PDSS2: variants seen among roughly 807,000 people sequenced by gnomAD.
The protein encoded by PDSS2 is decaprenyl diphosphate synthase subunit 2, also known as all trans-polyprenyl-diphosphate synthase PDSS2.
In PDSS2, 31 loss-of-function variants were observed where a neutral mutation model predicts 44.5. The observed-to-expected ratio is 0.70, with a 90% CI of 0.52 to 0.94. PDSS2 has a LOEUF of 0.94. PDSS2 is among the 40% of genes least tolerant of loss of function. The pLI is 0.00. For missense variants in PDSS2, 452 were observed against 482.2 expected, an observed-to-expected ratio of 0.94 and a Z score of 0.59; for synonymous variants, 157 against 180.3, an observed-to-expected ratio of 0.87 and a Z score of 1.03.
Position 107,193,843 on chromosome 6 carries a change from T to G in PDSS2, c.1020A>C (p.Lys340Asn). ...WIKQIGEAQE[K>N]GRLDYAKLRE... The stretch of plus-strand genomic sequence containing the variant: ...CTACCTTAGCATAGTCCAATCTTCC[T>G]TTTTCTTGAGCCTACAAAAGAAGAG... Residue 340 changes from lysine to asparagine, a missense_variant, in exon 7 of 8, where the codon AAA (lysine) becomes AAC (asparagine). Coordinates refer to ENST00000369037, the MANE Select transcript of PDSS2 (RefSeq NM_020381.4). 6.4e-7 allele frequency: 1 copy of G among 1,562,144 alleles called. No homozygotes were observed. Among genetic ancestry groups the G allele is most frequent in the South Asian group, 1.1e-5 (1 of 90,004 alleles).
intron 2 of PDSS2, among the ~76,000 whole-genome samples, chr6:107,300,447 G>A (rs1472635017): frequency 6.6e-6 from 1 of 152,132 alleles, no homozygotes; most frequent in African/African-American, 2.4e-5. Context: ...GATTTCCTAG[G>A]CCAACTAAGA....
chr6:107,446,027 G>T (rs1251072160), intron 1 of PDSS2, among the ~76,000 whole-genome samples: 1 of 152,026 alleles, frequency 6.6e-6, no homozygotes, highest in Non-Finnish European at 1.5e-5. Context: ...TTCAAAATAA[G>T]AAATAATTGG....
intron 6 of PDSS2, among the ~76,000 whole-genome samples, chr6:107,200,699 C>T (rs2114568355): frequency 6.6e-6 from 1 of 152,120 alleles, no homozygotes; most frequent in South Asian, 2.1e-4. Context: ...TGGAGTCTCA[C>T]TCTGTTCCCC....
intron 4 of PDSS2, among the ~76,000 whole-genome samples, chr6:107,235,068 G>C (rs1010961538): frequency 6.6e-6 from 1 of 152,202 alleles, no homozygotes; most frequent in African/African-American, 2.4e-5. Flanking sequence ...AAATAAATGA[G>C]ATGAGTTTCA....
chr6:107,206,367 C>T (rs575756585), intron 6 of PDSS2, among the ~76,000 whole-genome samples: 13 of 152,250 alleles, frequency 8.5e-5, no homozygotes, highest in African/African-American at 2.4e-4. Flanking sequence ...CCACCATGCC[C>T]GGCCTGTTTC....
chr6:107,182,502 T>C (rs1772019359), intron 7 of PDSS2, among the ~76,000 whole-genome samples: 1 of 152,186 alleles, frequency 6.6e-6, no homozygotes, highest in South Asian at 2.1e-4. Context: ...TTTTTGTATC[T>C]GTAGTAGAGA....
intron 1 of PDSS2, among the ~76,000 whole-genome samples, chr6:107,343,306 T>C (rs1441050324): frequency 6.6e-6 from 1 of 152,190 alleles, no homozygotes; most frequent in Non-Finnish European, 1.5e-5. Context: ...AACAAAAGAA[T>C]TGACTATAAT....
chr6:107,258,497 T>C (rs1679031665), intron 3 of PDSS2, among the ~76,000 whole-genome samples: 1 of 151,786 alleles, frequency 6.6e-6, no homozygotes, highest in South Asian at 2.1e-4. Context: ...CTTTTGCTTA[T>C]AAGTTGCTAA....
At chr6:107,372,513 G>A (rs1211075870) in intron 1 of PDSS2, among the ~76,000 whole-genome samples, 4 of 152,088 alleles carry the variant, frequency 2.6e-5, no homozygotes, top group East Asian at 1.9e-4. Context: ...GGGCAGTTGC[G>A]CGATCTCGAC....
chr6:107,353,873 T>A (rs1410266863), intron 1 of PDSS2, among the ~76,000 whole-genome samples: 1 of 152,156 alleles, frequency 6.6e-6, no homozygotes, highest in Non-Finnish European at 1.5e-5. Context: ...AGCTTATGAT[T>A]TTAAAAGGTT....
At chr6:107,210,833 A>G (rs1049381505) in intron 5 of PDSS2, among the ~76,000 whole-genome samples, 5 of 144,026 alleles carry the variant, frequency 3.5e-5, no homozygotes, top group African/African-American at 5.4e-5. Flanking sequence ...GCGAAACCCC[A>G]TCTCTACTAA....
intron 1 of PDSS2, among the ~76,000 whole-genome samples, chr6:107,403,186 A>G (rs1780201363): frequency 6.6e-6 from 1 of 152,212 alleles, no homozygotes; most frequent in African/African-American, 2.4e-5. Context: ...GCCAAAACAA[A>G]GGAGCTACAG....
chr6:107,205,776 G>T (rs1307706355), intron 6 of PDSS2, among the ~76,000 whole-genome samples: 1 of 152,140 alleles, frequency 6.6e-6, no homozygotes, highest in African/African-American at 2.4e-5. Flanking sequence ...AGATTTTTCA[G>T]GAGAAAGGAG....
chr6:107,396,952 G>A (rs1329318157), intron 1 of PDSS2, among the ~76,000 whole-genome samples: 2 of 152,074 alleles, frequency 1.3e-5, no homozygotes, highest in African/African-American at 4.8e-5. Context: ...TTAGTCTCCC[G>A]AAGTGTTGGG....
chr6:107,330,941 C>A (rs568151116), intron 2 of PDSS2, among the ~76,000 whole-genome samples: 69 of 152,304 alleles, frequency 4.5e-4, no homozygotes, highest in African/African-American at 1.4e-3. Flanking sequence ...ATCCACAGCA[C>A]CAATTATATC....
intron 2 of PDSS2, among the ~76,000 whole-genome samples, chr6:107,295,230 G>A (rs1235962370): frequency 1.3e-5 from 2 of 152,214 alleles, no homozygotes; most frequent in African/African-American, 2.4e-5. Flanking sequence ...CACCGCGCCC[G>A]GCCAGTTCTG....
chr6:107,325,161 C>T (rs1002856664), intron 2 of PDSS2, among the ~76,000 whole-genome samples: 1 of 152,090 alleles, frequency 6.6e-6, no homozygotes, highest in Non-Finnish European at 1.5e-5. Flanking sequence ...CCACACTAAG[C>T]GTAACCAATT....
chr6:107,254,480 T>G (rs1173883494), intron 3 of PDSS2, among the ~76,000 whole-genome samples: 2 of 152,242 alleles, frequency 1.3e-5, no homozygotes, highest in African/African-American at 4.8e-5. Flanking sequence ...AATTGAATAC[T>G]TGGTCATGAA....
At chr6:107,419,342 A>G (rs1023163667) in intron 1 of PDSS2, among the ~76,000 whole-genome samples, 1 of 152,214 alleles carries the variant, frequency 6.6e-6, no homozygotes, top group African/African-American at 2.4e-5. Flanking sequence ...GACTTTGTCA[A>G]AGGAAGAGAA....
Sources: allele counts gnomAD v4.1 joint callset (sites outside exome capture counted in the v4.1 genomes callset), GRCh38; gene constraint gnomAD v4.1.1; transcripts MANE v1.5; gene names NCBI Gene and HGNC (gene_info 2026-07-23, HGNC 2026-07-21).